PCDH11X: variants seen among roughly 807,000 people sequenced by gnomAD.
PCDH11X encodes the protein protocadherin 11 X-linked, also known as protocadherin-11 X-linked.
A neutral mutation model predicts 53.3 loss-of-function variants in PCDH11X; 18 were observed. The ratio of observed to expected loss-of-function variants is 0.34; its 90% CI spans 0.23 to 0.50. The LOEUF is 0.50. Among genes scored for constraint, PCDH11X ranks in the 20% least tolerant of loss-of-function variants. The probability of loss-of-function intolerance (pLI) is 0.98; values close to 1 mark genes in which losing one functional copy is unlikely to be tolerated. For synonymous variants in PCDH11X, 279 were observed against 393.3 expected (o/e 0.71, Z 3.44); for missense variants, 570 against 1,032.4 (o/e 0.55, Z 6.14).
chrX:92,363,985 C>G (rs963797999), intron 8 of PCDH11X, among the ~76,000 whole-genome samples: 7 of 111,164 alleles, frequency 6.3e-5, no homozygotes, highest in Admixed American at 1.9e-4. Flanking sequence ...GTTGAACTGT[C>G]TTTGCATTTC....
chrX:92,033,099 G>A (rs993754638), intron 6 of PCDH11X, among the ~76,000 whole-genome samples: 1 of 109,201 alleles, frequency 9.2e-6, no homozygotes, highest in Non-Finnish European at 1.9e-5. Flanking sequence ...AAGTCACTGG[G>A]CCCAGCAAAT....
At chrX:92,365,906 C>T (rs759780664) in intron 8 of PCDH11X, among the ~76,000 whole-genome samples, 4 of 110,244 alleles carry the variant, frequency 3.6e-5, no homozygotes, top group African/African-American at 1.3e-4. Context: ...TGAGGATTTT[C>T]GCATGGACGT....
At chrX:92,527,498 T>A (rs1034314532) in intron 10 of PCDH11X, among the ~76,000 whole-genome samples, 42 of 111,158 alleles carry the variant, frequency 3.8e-4, no homozygotes, top group Non-Finnish European at 7.4e-4. Flanking sequence ...AGTGAACACA[T>A]TTTTTCTTGC....
At chrX:92,147,811 C>CTTTCTTTA (rs2065298124) in intron 6 of PCDH11X, among the ~76,000 whole-genome samples, 2 of 36,303 alleles carry the variant, frequency 5.5e-5, no homozygotes, top group African/African-American at 2.6e-4. Flanking sequence ...TTCTTCCTTC[C>CTTTCTTTA]TTTCTTTCTT....
chrX:91,795,089 C>T (rs778233810), intron 1 of PCDH11X, among the ~76,000 whole-genome samples: 1 of 110,768 alleles, frequency 9.0e-6, no homozygotes, highest in African/African-American at 3.3e-5. Flanking sequence ...GTAAATTGCC[C>T]AGTCTTGGGT....
chrX:91,891,938 AAAAAAG>A (rs1569429978), intron 6 of PCDH11X, among the ~76,000 whole-genome samples: 1 of 97,080 alleles, frequency 1.0e-5, no homozygotes, highest in African/African-American at 3.7e-5. Flanking sequence ...GGTTTAAAAA[AAAAAAG>A]AAAAAGAAAA....
At chrX:92,315,171 C>A (rs2755342) in intron 8 of PCDH11X, among the ~76,000 whole-genome samples, 18 of 111,939 alleles carry the variant, frequency 1.6e-4, no homozygotes, top group African/African-American at 4.9e-4. Flanking sequence ...TAAACTTTTA[C>A]AGATGCTCAT....
At chrX:92,071,041 G>A (rs112323720) in intron 6 of PCDH11X, among the ~76,000 whole-genome samples, 3,949 of 108,894 alleles carry the variant, frequency 0.036, 190 homozygotes, top group African/African-American at 0.13. Flanking sequence ...TCCTGACCTC[G>A]TGATCTGCCA....
At chrX:92,387,620 G>A in intron 8 of PCDH11X, 115 bp from the exon 9 acceptor site, 1 of 1,145,626 alleles carries the variant, frequency 8.7e-7, no homozygotes. Context: ...CACAACTCAA[G>A]ATAATGTTAA....
intron 10 of PCDH11X, among the ~76,000 whole-genome samples, chrX:92,586,797 C>G (rs770352317): frequency 1.5e-3 from 165 of 111,603 alleles, no homozygotes; most frequent in African/African-American, 5.2e-3. Flanking sequence ...CCCAACAATA[C>G]AGAACTTAGT....
chrX:91,885,742 A>G (rs1266401506), intron 6 of PCDH11X, among the ~76,000 whole-genome samples: 1 of 111,567 alleles, frequency 9.0e-6, no homozygotes, highest in African/African-American at 3.3e-5. Context: ...ATTATCCAGA[A>G]TTTCTTTAAA....
chrX:92,617,634 G>T (rs913989625), intron 10 of PCDH11X, among the ~76,000 whole-genome samples: 3 of 110,451 alleles, frequency 2.7e-5, no homozygotes, highest in Admixed American at 1.9e-4. Flanking sequence ...TTCATAAAAA[G>T]AGTATTATAA....
chrX:91,894,244 C>T (rs1602446278), intron 6 of PCDH11X, among the ~76,000 whole-genome samples: 1 of 111,693 alleles, frequency 9.0e-6, no homozygotes, highest in Non-Finnish European at 1.9e-5. Context: ...TTTCAATCAT[C>T]CCAGATAAAA....
chrX:92,442,270 G>A (rs2072532405), intron 9 of PCDH11X, among the ~76,000 whole-genome samples: 1 of 109,920 alleles, frequency 9.1e-6, no homozygotes, highest in Non-Finnish European at 1.9e-5. Context: ...GGGAAGGCTT[G>A]ATTGTTTTTT....
intron 6 of PCDH11X, among the ~76,000 whole-genome samples, chrX:91,999,960 G>A (rs577578350): frequency 9.0e-5 from 10 of 111,322 alleles, no homozygotes; most frequent in South Asian, 3.8e-4. Context: ...ATTGGCTTTC[G>A]TCGTCTTAGC....
chrX:92,353,026 C>A (rs2070095322), intron 8 of PCDH11X, among the ~76,000 whole-genome samples: 2 of 111,602 alleles, frequency 1.8e-5, no homozygotes, highest in South Asian at 7.6e-4. Flanking sequence ...TTTAGTTCTG[C>A]CTTCTATCTA....
intron 6 of PCDH11X, among the ~76,000 whole-genome samples, chrX:92,124,869 C>T (rs2148184988): frequency 9.0e-6 from 1 of 110,881 alleles, no homozygotes; most frequent in African/African-American, 3.3e-5. Context: ...TTGTTTGTTG[C>T]TTATCTTTCC....
chrX:92,376,030 A>ATG (rs1342084161), intron 8 of PCDH11X, among the ~76,000 whole-genome samples: 3 of 111,420 alleles, frequency 2.7e-5, no homozygotes, highest in Non-Finnish European at 5.7e-5. Context: ...ATGCATGTGC[A>ATG]TGTGTGTGTG....
At chrX:92,359,384 C>A (rs1367288604) in intron 8 of PCDH11X, among the ~76,000 whole-genome samples, 1 of 108,424 alleles carries the variant, frequency 9.2e-6, no homozygotes, top group African/African-American at 3.3e-5. Flanking sequence ...TTTCTCACAA[C>A]AATTAAGGGT....
Sources: allele counts gnomAD v4.1 joint callset (sites outside exome capture counted in the v4.1 genomes callset), GRCh38; gene constraint gnomAD v4.1.1; transcripts MANE v1.5; gene names NCBI Gene and HGNC (gene_info 2026-07-23, HGNC 2026-07-21).